CSMD1: variants seen among roughly 807,000 people sequenced by gnomAD.
The protein encoded by CSMD1 is CUB and sushi domain-containing protein 1.
Under a neutral mutation model 417.5 loss-of-function variants are expected in CSMD1, and 213 were observed. That is an observed-to-expected ratio of 0.51 (90% CI 0.46 to 0.57). CSMD1 has a LOEUF of 0.57. Among genes scored for constraint, CSMD1 ranks in the 20% least tolerant of loss-of-function variants. The pLI is 0.00. For missense variants in CSMD1, 6,923 were observed against 4,529.7 expected, an observed-to-expected ratio of 1.53 and a Z score of -15.17; for synonymous variants, 2,862 against 1,736.8, an observed-to-expected ratio of 1.65 and a Z score of -16.11.
rs564780660 is a variant in CSMD1 at position 3,929,944 on chromosome 8, C to T, written c.818+67959G>A. Among the ~76,000 whole-genome samples, 5 of 150,312 alleles carry T rather than the reference C, an allele frequency of 3.3e-5. No individual in the cohort carries two copies. In the South Asian group the frequency reaches 1.1e-3, roughly 33 times the overall value. ...CCCAAAGCGCTGGGATTACAGGCCT[C>T]ATGTGAGACACTGTGCACAGCCTAT... is the stretch of plus-strand genomic sequence containing the variant. On this transcript the variant is annotated intron_variant, in intron 5 of 69. Transcript: ENST00000635120.
At chr8:3,381,944 C>T (rs1810656949) in intron 18 of CSMD1, among the ~76,000 whole-genome samples, 1 of 152,014 alleles carries the variant, frequency 6.6e-6, no homozygotes, top group Non-Finnish European at 1.5e-5. Flanking sequence ...GTTCTATTAC[C>T]TCTTATTTTT....
At chr8:3,882,554 G>C (rs567853833) in intron 5 of CSMD1, among the ~76,000 whole-genome samples, 1 of 152,132 alleles carries the variant, frequency 6.6e-6, no homozygotes, top group Non-Finnish European at 1.5e-5. Flanking sequence ...GCATCCTTAG[G>C]CATATACCCA....
chr8:4,818,001 C>T (rs977862772), intron 1 of CSMD1, among the ~76,000 whole-genome samples: 5 of 152,126 alleles, frequency 3.3e-5, no homozygotes, highest in Admixed American at 1.3e-4. Context: ...TATTATGCAT[C>T]ATTATAATAA....
chr8:3,019,500 T>C (rs1362250659), intron 51 of CSMD1, among the ~76,000 whole-genome samples: 1 of 152,204 alleles, frequency 6.6e-6, no homozygotes, highest in African/African-American at 2.4e-5. Flanking sequence ...GCAATAGCAG[T>C]GCTCAGTTTA....
Position 3,187,176 on chromosome 8 carries a change from G to A in CSMD1, c.5620+693C>T, listed in dbSNP as rs1402588926. ...AATCGCAATACTGATCATCATCACTGCTCATGAAGTTTGAGTCCTAATGCT... is the reference window on the plus strand; with the variant it reads ...AATCGCAATACTGATCATCATCACTACTCATGAAGTTTGAGTCCTAATGCT... On this transcript the variant is annotated intron_variant, in intron 36 of 69. Coordinates refer to ENST00000635120, the MANE Select transcript of CSMD1 (RefSeq NM_033225.6). Among the ~76,000 whole-genome samples the A allele has an allele frequency of 2.6e-5, 4 of 152,324 alleles. No homozygotes were observed. In the East Asian group the frequency reaches 7.7e-4, roughly 29 times the overall value.
intron 4 of CSMD1, among the ~76,000 whole-genome samples, chr8:4,006,551 T>C (rs1343705733): frequency 6.6e-6 from 1 of 152,092 alleles, no homozygotes; most frequent in Non-Finnish European, 1.5e-5. Context: ...TCAGAATAAA[T>C]AAATAAATAA....
intron 2 of CSMD1, among the ~76,000 whole-genome samples, chr8:4,438,918 T>C (rs962930247): frequency 6.6e-6 from 1 of 152,232 alleles, no homozygotes; most frequent in Non-Finnish European, 1.5e-5. Flanking sequence ...TATGCATAAG[T>C]AACAATATAT....
chr8:4,276,432 C>G (rs10099480), intron 3 of CSMD1, among the ~76,000 whole-genome samples: 27,998 of 151,986 alleles, frequency 0.18, 3,182 homozygotes, highest in Non-Finnish European at 0.27. Flanking sequence ...AATGAGGACT[C>G]ATGGACGCTT....
At chr8:3,373,757 T>C (rs1810125426) in intron 18 of CSMD1, 1 of 152,188 alleles carries the variant, frequency 6.6e-6, no homozygotes, top group Admixed American at 6.5e-5. Context: ...AATTTTACTG[T>C]TGCTGTCCTT....
chr8:4,708,358 C>A (rs549267910), intron 1 of CSMD1, among the ~76,000 whole-genome samples: 1 of 152,286 alleles, frequency 6.6e-6, no homozygotes, highest in Non-Finnish European at 1.5e-5. Flanking sequence ...ATTTAGACAA[C>A]ATCTGTCTTG....
At chr8:4,193,410 C>G (rs533318716) in intron 3 of CSMD1, among the ~76,000 whole-genome samples, 8 of 151,770 alleles carry the variant, frequency 5.3e-5, no homozygotes, top group African/African-American at 9.7e-5. Flanking sequence ...GCTTCCAAGT[C>G]TGTTTGCTTC....
intron 25 of CSMD1, among the ~76,000 whole-genome samples, chr8:3,305,200 A>T (rs770444770): frequency 6.6e-6 from 1 of 152,180 alleles, no homozygotes; most frequent in Non-Finnish European, 1.5e-5. Context: ...ATTTCCATAG[A>T]AACATGCCTT....
intron 3 of CSMD1, among the ~76,000 whole-genome samples, chr8:4,408,697 A>G (rs1796475957): frequency 6.6e-6 from 1 of 152,190 alleles, no homozygotes; most frequent in Non-Finnish European, 1.5e-5. Context: ...GAATAAGCCC[A>G]TAGTTGACCA....
At chr8:4,962,503 G>A (rs1471075274) in intron 1 of CSMD1, among the ~76,000 whole-genome samples, 3 of 152,128 alleles carry the variant, frequency 2.0e-5, no homozygotes, top group South Asian at 2.1e-4. Context: ...GTCCCATCGT[G>A]CCCAGCCTAA....
At chr8:3,968,826 G>C (rs1410374144) in intron 5 of CSMD1, among the ~76,000 whole-genome samples, 4 of 152,142 alleles carry the variant, frequency 2.6e-5, no homozygotes, top group African/African-American at 4.8e-5. Context: ...ATCCAGTATA[G>C]GACAAGATTT....
chr8:4,106,113 T>A (rs1386122892), intron 3 of CSMD1, among the ~76,000 whole-genome samples: 2 of 152,010 alleles, frequency 1.3e-5, no homozygotes. Context: ...CCCTTGTGGG[T>A]GGAGGGAAAG....
chr8:4,483,780 T>G (rs116704776), intron 2 of CSMD1, among the ~76,000 whole-genome samples: 58 of 152,350 alleles, frequency 3.8e-4, no homozygotes, highest in African/African-American at 1.4e-3. Context: ...TGGTTTACCA[T>G]TTAAAATTTT....
chr8:3,482,791 C>T (rs1403465784), intron 11 of CSMD1, among the ~76,000 whole-genome samples: 1 of 151,944 alleles, frequency 6.6e-6, no homozygotes, highest in Non-Finnish European at 1.5e-5. Flanking sequence ...TCTCTGATCA[C>T]AAAGGAATCA....
At chr8:4,502,541 G>C (rs1274880985) in intron 2 of CSMD1, among the ~76,000 whole-genome samples, 1 of 152,074 alleles carries the variant, frequency 6.6e-6, no homozygotes, top group East Asian at 1.9e-4. Flanking sequence ...AACCCCATAA[G>C]TGCTCTACAT....
Sources: gnomAD v4.1 joint callset for allele counts (sites outside exome capture counted in the v4.1 genomes callset) on GRCh38, gnomAD v4.1.1 for gene constraint, MANE v1.5 for transcripts, NCBI Gene and HGNC (gene_info 2026-07-23, HGNC 2026-07-21) for gene names.